The following RALGPS1 variants were observed in gnomAD, a reference collection of about 807,000 sequenced individuals.
RALGPS1 encodes ras-specific guanine nucleotide-releasing factor RalGPS1.
A neutral mutation model predicts 78.8 loss-of-function variants in RALGPS1; 19 were observed. The observed-to-expected ratio is 0.24, with a 90% CI of 0.17 to 0.35. The LOEUF (loss-of-function observed/expected upper bound fraction) is 0.35, where lower values mean the gene tolerates loss of function less well. Ranked by LOEUF, RALGPS1 falls within the 10% of genes least tolerant of loss-of-function variation. The pLI is 1.00. For missense variants in RALGPS1, 454 were observed against 688.3 expected (o/e 0.66, Z 3.81); for synonymous variants, 228 against 256.3 (o/e 0.89, Z 1.06).
chr9:127,049,931 C>A (rs114534294), intron 5 of RALGPS1, 112 bp from the exon 6 acceptor site: 18 of 792,600 alleles, frequency 2.3e-5, no homozygotes, highest in South Asian at 9.0e-5. Context: ...TCCCAGTTTC[C>A]TGACCTCTTG....
intron 5 of RALGPS1, among the ~76,000 whole-genome samples, chr9:127,044,197 G>A (rs1377100720): frequency 1.3e-5 from 2 of 151,914 alleles, no homozygotes; most frequent in African/African-American, 4.8e-5. Flanking sequence ...CAGTGGAATA[G>A]CATTCTTCCA....
At chr9:127,108,241 T>C in intron 8 of RALGPS1, 1 of 1,614,034 alleles carries the variant, frequency 6.2e-7, no homozygotes, top group African/African-American at 1.3e-5. Context: ...GGCTGTCTGG[T>C]TCAGGATCCT....
chr9:127,092,837 G>A (rs1235302961), intron 8 of RALGPS1, among the ~76,000 whole-genome samples: 1 of 152,112 alleles, frequency 6.6e-6, no homozygotes, highest in African/African-American at 2.4e-5. Flanking sequence ...TCAGGAGGTG[G>A]GGTGGGGGAC....
intron 4 of RALGPS1, among the ~76,000 whole-genome samples, chr9:127,007,954 C>G (rs2043994742): frequency 6.6e-6 from 1 of 152,052 alleles, no homozygotes; most frequent in Admixed American, 6.6e-5. Context: ...TTCCTGTGGT[C>G]TAGGTGAAAG....
At position 127,050,151 on chromosome 9, in the gene RALGPS1, T is replaced by C. The variant is rs750092077; in HGVS notation, c.390+19T>C. 4 of 1,573,820 alleles carry C rather than the reference T, an allele frequency of 2.5e-6. No homozygotes were observed. The African/African-American group carries it at 5.4e-5, about 21-fold the overall frequency. Reference sequence around the variant, plus strand: ...AGCCAAGGTAAGCTTTTTATTATTATTTTTCCTTCCTTTCCCTCTTCTCTC... The same window carrying C: ...AGCCAAGGTAAGCTTTTTATTATTACTTTTCCTTCCTTTCCCTCTTCTCTC... On this transcript the variant is annotated intron_variant, in intron 6 of 18. Transcript: ENST00000259351.
At chr9:127,178,414 T>C (rs2060010945) in intron 11 of RALGPS1, 2 of 1,024,288 alleles carry the variant, frequency 2.0e-6, no homozygotes, top group African/African-American at 3.3e-5. Context: ...GGGCATAAAA[T>C]CTTCCTCCTT....
At chr9:127,087,017 A>G (rs1486809679) in intron 8 of RALGPS1, among the ~76,000 whole-genome samples, 1 of 152,188 alleles carries the variant, frequency 6.6e-6, no homozygotes, top group East Asian at 1.9e-4. Context: ...ACCTGGTGCC[A>G]TTTGGTGAAA....
chr9:127,199,164 C>T (rs1346929802), intron 14 of RALGPS1, 98 bp downstream of exon 14: 1 of 1,126,938 alleles, frequency 8.9e-7, no homozygotes, highest in East Asian at 2.3e-5. Context: ...CTGCCCCACC[C>T]ACCCCATGAG....
Position 127,146,781 on chromosome 9 carries a change from T to G in RALGPS1, c.611-19288T>G, listed in dbSNP as rs563456589. ...CTGGTCTCAAACTCCTGATCTCAAG[T>G]GATCCTCCTGCCTCAGCTTCTCAAA... On this transcript the variant is annotated intron_variant, in intron 8 of 18. Coordinates refer to ENST00000259351, the MANE Select transcript of RALGPS1 (RefSeq NM_014636.3). Among the ~76,000 whole-genome samples, 6 of 152,308 alleles carry G rather than the reference T, an allele frequency of 3.9e-5. No individual in the cohort carries two copies. In the East Asian group the frequency reaches 7.7e-4, roughly 20 times the overall value.
intron 1 of RALGPS1, among the ~76,000 whole-genome samples, chr9:126,930,260 G>A (rs138905775): frequency 7.3e-4 from 110 of 151,510 alleles, no homozygotes; most frequent in Non-Finnish European, 1.4e-3. Flanking sequence ...GTATTGAATG[G>A]GTAAGATGAA....
At chr9:126,923,547 T>C (rs1406903004) in intron 1 of RALGPS1, among the ~76,000 whole-genome samples, 2 of 152,204 alleles carry the variant, frequency 1.3e-5, no homozygotes, top group African/African-American at 4.8e-5. Flanking sequence ...GAATGATGGG[T>C]TTAAGGTCTT....
chr9:127,100,711 C>T (rs2053635702), intron 8 of RALGPS1, among the ~76,000 whole-genome samples: 1 of 152,102 alleles, frequency 6.6e-6, no homozygotes, highest in South Asian at 2.1e-4. Flanking sequence ...GTCCTGCAGG[C>T]ACATCATGGA....
intron 14 of RALGPS1, among the ~76,000 whole-genome samples, chr9:127,202,831 G>A (rs1328598579): frequency 1.3e-5 from 2 of 152,160 alleles, no homozygotes; most frequent in African/African-American, 4.8e-5. Context: ...CCTCATGCCG[G>A]GGAGAGTAGG....
At chr9:127,133,244 G>T (rs187844870) in intron 8 of RALGPS1, among the ~76,000 whole-genome samples, 1 of 152,206 alleles carries the variant, frequency 6.6e-6, no homozygotes. Context: ...TGCCCTGCCC[G>T]GTGCCCCGGA....
chr9:127,036,621 A>G (rs2046885415), intron 5 of RALGPS1, among the ~76,000 whole-genome samples: 2 of 152,192 alleles, frequency 1.3e-5, no homozygotes, highest in Non-Finnish European at 2.9e-5. Flanking sequence ...GGCCAAACAG[A>G]AACCCAGTGG....
intron 8 of RALGPS1, among the ~76,000 whole-genome samples, chr9:127,128,923 C>T (rs1428682336): frequency 2.6e-5 from 4 of 152,146 alleles, no homozygotes; most frequent in African/African-American, 7.2e-5. Context: ...AGGATGCATG[C>T]TTGGGTACAA....
chr9:126,962,429 G>A, intron 2 of RALGPS1, 83 bp downstream of exon 2: 5 of 1,364,788 alleles, frequency 3.7e-6, no homozygotes, highest in Non-Finnish European at 5.2e-6. Flanking sequence ...CTTGGACAGC[G>A]AGGCAGTAGG....
chr9:127,000,115 T>G (rs1317865276), intron 4 of RALGPS1, among the ~76,000 whole-genome samples: 3 of 152,190 alleles, frequency 2.0e-5, no homozygotes, highest in African/African-American at 7.2e-5. Flanking sequence ...CCCTGGTCAG[T>G]CCAGCTAAAA....
chr9:127,063,973 C>T (rs2049445989), intron 7 of RALGPS1, among the ~76,000 whole-genome samples: 1 of 152,120 alleles, frequency 6.6e-6, no homozygotes, highest in Non-Finnish European at 1.5e-5. Flanking sequence ...GGAATCATAC[C>T]AGATGCAGGG....
Sources: gnomAD v4.1 joint callset for allele counts (sites outside exome capture counted in the v4.1 genomes callset) on GRCh38, gnomAD v4.1.1 for gene constraint, MANE v1.5 for transcripts, NCBI Gene and HGNC (gene_info 2026-07-23, HGNC 2026-07-21) for gene names.